ARID1B: variants seen among roughly 807,000 people sequenced by gnomAD.
ARID1B encodes AT-rich interaction domain 1B.
Under a neutral mutation model 212.3 loss-of-function variants are expected in ARID1B, and 30 were observed. The observed-to-expected ratio is 0.14, with a 90% CI of 0.11 to 0.19. ARID1B has a LOEUF of 0.19. ARID1B is among the 10% of genes least tolerant of loss of function. The probability of loss-of-function intolerance (pLI) is 1.00; values close to 1 mark genes in which losing one functional copy is unlikely to be tolerated. For missense variants in ARID1B, 2,891 were observed against 3,204.0 expected (o/e 0.90, Z 2.36); for synonymous variants, 1,402 against 1,301.7 (o/e 1.08, Z -1.66).
intron 3 of ARID1B, among the ~76,000 whole-genome samples, chr6:156,914,514 G>T (rs1390706330): frequency 6.6e-6 from 1 of 152,024 alleles, no homozygotes; most frequent in Admixed American, 6.5e-5. Flanking sequence ...TATCTTTCTG[G>T]CCTCCAAATA....
intron 12 of ARID1B, among the ~76,000 whole-genome samples, 166 bp downstream of exon 12, chr6:157,181,344 T>G (rs931678763): frequency 6.6e-5 from 10 of 152,182 alleles, no homozygotes; most frequent in Admixed American, 3.3e-4. Flanking sequence ...CAGGGAGCAC[T>G]GGGGGACCCT....
chr6:157,020,603 AAAC>A lies in ARID1B; in HGVS notation c.2248-64054_2248-64052del, dbSNP rs1252244001. Among the ~76,000 whole-genome samples the A allele has an allele frequency of 3.9e-5, 6 of 152,258 alleles. No homozygotes were observed. The South Asian group carries it at 8.3e-4, about 21-fold the overall frequency. On this transcript the variant is annotated intron_variant, in intron 4 of 19. Transcript: ENST00000636930. Reference sequence around the variant, plus strand: ...AGAACTGAATGAGATGGCATCACATAAACAACAGCCTAGCTTGGTCATTTCTCC... The same window carrying A: ...AGAACTGAATGAGATGGCATCACATAAACAGCCTAGCTTGGTCATTTCTCC...
chr6:157,041,388 A>T (rs1451341039), intron 4 of ARID1B, among the ~76,000 whole-genome samples: 3 of 152,168 alleles, frequency 2.0e-5, no homozygotes, highest in Non-Finnish European at 4.4e-5. Flanking sequence ...AGTATAGAAA[A>T]TTATAGTAAG....
chr6:157,126,411 C>G (rs1017721881), intron 6 of ARID1B, among the ~76,000 whole-genome samples: 1 of 152,092 alleles, frequency 6.6e-6, no homozygotes, highest in Non-Finnish European at 1.5e-5. Flanking sequence ...CTTAACTTCT[C>G]TCTAAGGATT....
chr6:157,091,686 C>T lies in ARID1B; in HGVS notation c.2491+6781C>T, dbSNP rs180714865. Among the ~76,000 whole-genome samples, 311 of 152,264 alleles carry T rather than the reference C, an allele frequency of 2.0e-3. 1 individual carries two copies. The highest frequency in any genetic ancestry group is 3.9e-3 in the Non-Finnish European group (262 of 68,012). ...ACCAATGTCTCTCTTTCATTTAACC[C>T]ATTTCTCCTGGAGTTTTAGGTCTCT... On this transcript the variant is annotated intron_variant, in intron 5 of 19. Coordinates refer to ENST00000636930, the MANE Select transcript of ARID1B (RefSeq NM_001374828.1).
chr6:156,991,014 A>C (rs993290822), intron 4 of ARID1B, among the ~76,000 whole-genome samples: 1 of 152,154 alleles, frequency 6.6e-6, no homozygotes, highest in Admixed American at 6.5e-5. Flanking sequence ...GTATTAACTC[A>C]TTTAATTTTC....
intron 5 of ARID1B, among the ~76,000 whole-genome samples, chr6:157,104,619 C>G (rs934136904): frequency 6.6e-6 from 1 of 152,158 alleles, no homozygotes; most frequent in African/African-American, 2.4e-5. Context: ...AGTTAAAAGA[C>G]ATATAATGGT....
intron 3 of ARID1B, among the ~76,000 whole-genome samples, chr6:156,910,055 G>A (rs968379024): frequency 1.3e-5 from 2 of 152,200 alleles, no homozygotes; most frequent in Non-Finnish European, 2.9e-5. Flanking sequence ...GTTGTTACCC[G>A]TCATTTCTGA....
Position 157,167,152 on chromosome 6 carries a change from A to G in ARID1B, c.3202A>G (p.Ser1068Gly), listed in dbSNP as rs773510355. The change falls in exon 9 of 20, where the codon AGC becomes GGC. Residue 1068 changes from serine to glycine, a missense_variant. By Grantham distance (56) the Ser-to-Gly change is moderately conservative (BLOSUM62 0). This residue lies in a region of ARID1B where 1,643 missense variants were observed against 1,544.0 expected (regional missense o/e 1.06). Coordinates refer to ENST00000636930, the MANE Select transcript of ARID1B (RefSeq NM_001374828.1). ...GATGAACACGCAGGCGCCGCCCTAC[A>G]GCATGGCGCCCGCCATGGTGAACAG... ...SLMNTQAPPYSMAPAMVNSSA... is the reference protein window; with the variant it reads ...SLMNTQAPPYGMAPAMVNSSA... The G allele has an allele frequency of 3.7e-6, 6 of 1,609,800 alleles. No individual in the cohort carries two copies. The East Asian group carries it at 1.1e-4, about 30-fold the overall frequency.
At chr6:157,032,327 A>G (rs1463103680) in intron 4 of ARID1B, among the ~76,000 whole-genome samples, 1 of 152,228 alleles carries the variant, frequency 6.6e-6, no homozygotes, top group Non-Finnish European at 1.5e-5. Context: ...TGAATATACC[A>G]TACTTTAACC....
intron 4 of ARID1B, among the ~76,000 whole-genome samples, chr6:157,064,921 T>G (rs559055751): frequency 3.1e-4 from 47 of 152,240 alleles, no homozygotes; most frequent in Non-Finnish European, 6.0e-4. Flanking sequence ...CTGTCTTTTG[T>G]TGTTTTATTA....
At chr6:156,932,144 AAGG>A (rs969109415) in intron 3 of ARID1B, among the ~76,000 whole-genome samples, 4 of 95,196 alleles carry the variant, frequency 4.2e-5, no homozygotes, top group African/African-American at 1.2e-4. Flanking sequence ...AAAAAAAAAA[AAGG>A]GGGGGGGCGG....
intron 5 of ARID1B, among the ~76,000 whole-genome samples, chr6:157,086,892 G>A (rs921827803): frequency 6.6e-6 from 1 of 152,204 alleles, no homozygotes; most frequent in Non-Finnish European, 1.5e-5. Flanking sequence ...CCCATTCTTC[G>A]CAGTGACTGC....
At chr6:157,054,586 C>T (rs1782818513) in intron 4 of ARID1B, among the ~76,000 whole-genome samples, 1 of 152,082 alleles carries the variant, frequency 6.6e-6, no homozygotes, top group Admixed American at 6.5e-5. Flanking sequence ...GACCTCACAT[C>T]TCCTCACTTC....
intron 9 of ARID1B, chr6:157,170,195 G>A (rs945329561): frequency 1.3e-5 from 2 of 152,172 alleles, no homozygotes; most frequent in African/African-American, 2.4e-5. Context: ...CCAATGTGGA[G>A]GTATTTTGCT....
intron 1 of ARID1B, among the ~76,000 whole-genome samples, chr6:156,823,485 A>G (rs1782518239): frequency 6.6e-6 from 1 of 152,162 alleles, no homozygotes; most frequent in African/African-American, 2.4e-5. Context: ...GCAGACGTGA[A>G]TAAACACCCC....
intron 4 of ARID1B, among the ~76,000 whole-genome samples, chr6:156,996,694 TAAA>T: frequency 6.6e-6 from 1 of 152,264 alleles, no homozygotes; most frequent in Admixed American, 6.5e-5. Context: ...TCAAGTTTTA[TAAA>T]AAAAGAATGT....
At chr6:156,916,683 C>T (rs1047382324) in intron 3 of ARID1B, among the ~76,000 whole-genome samples, 1 of 152,094 alleles carries the variant, frequency 6.6e-6, no homozygotes, top group Admixed American at 6.5e-5. Flanking sequence ...GGTCTGCTTC[C>T]CGGTCCCCTC....
At chr6:156,931,736 G>A (rs1371022698) in intron 3 of ARID1B, among the ~76,000 whole-genome samples, 1 of 152,130 alleles carries the variant, frequency 6.6e-6, no homozygotes, top group East Asian at 1.9e-4. Flanking sequence ...GCCGAGGCAG[G>A]CTGATCACTT....
Sources: gnomAD v4.1 joint callset for allele counts (sites outside exome capture counted in the v4.1 genomes callset) on GRCh38, gnomAD v4.1.1 for gene constraint, gnomAD v4.1.1 regional missense constraint, MANE v1.5 for transcripts, NCBI Gene and HGNC (gene_info 2026-07-23, HGNC 2026-07-21) for gene names.